Variants in ASAP1 observed in about 807,000 individuals in gnomAD.
ASAP1 encodes the protein arf-GAP with SH3 domain, ANK repeat and PH domain-containing protein 1.
ASAP1 carries 43 observed loss-of-function variants against 145.2 expected under a neutral mutation model. That is an observed-to-expected ratio of 0.30 (90% confidence interval 0.23 to 0.38). ASAP1 has a LOEUF of 0.38. Among genes scored for constraint, ASAP1 ranks in the 10% least tolerant of loss-of-function variants. ASAP1 has a pLI of 1.00. For synonymous variants in ASAP1, 546 were observed against 515.5 expected, an observed-to-expected ratio of 1.06 and a Z score of -0.80; for missense variants, 1,018 against 1,355.3, an observed-to-expected ratio of 0.75 and a Z score of 3.91.
chr8:130,257,405 G>C (rs543711498), intron 3 of ASAP1, among the ~76,000 whole-genome samples: 11 of 152,190 alleles, frequency 7.2e-5, no homozygotes, highest in African/African-American at 2.6e-4. Context: ...ACATAGTTTG[G>C]CTAATGTTTC....
chr8:130,278,640 C>G (rs773538761), intron 3 of ASAP1, among the ~76,000 whole-genome samples: 1 of 152,050 alleles, frequency 6.6e-6, no homozygotes, highest in Non-Finnish European at 1.5e-5. Flanking sequence ...CTGGGACATA[C>G]GATAAAACAG....
At chr8:130,106,896 G>C (rs1299689187) in intron 24 of ASAP1, among the ~76,000 whole-genome samples, 1 of 152,196 alleles carries the variant, frequency 6.6e-6, no homozygotes, top group African/African-American at 2.4e-5. Flanking sequence ...GGAGCCCTGA[G>C]AGTGGGAGGT....
At position 130,180,756 on chromosome 8, in the gene ASAP1, A is replaced by G; in HGVS notation, c.655T>C (p.Cys219Arg). 6.2e-7 allele frequency: 1 copy of G among 1,605,618 alleles called. No homozygotes were observed. Among genetic ancestry groups the G allele is most frequent in the Non-Finnish European group, 8.5e-7 (1 of 1,177,898 alleles). The change falls in exon 8 of 30, where the codon TGT (cysteine) becomes CGT (arginine). Residue 219 changes from cysteine (C) to arginine (R), a missense_variant. Coordinates refer to ENST00000518721, the MANE Select transcript of ASAP1 (RefSeq NM_018482.4). Reference protein sequence around the residue: ...KERRLFQLQMCEYLIKVNEIK... With the variant: ...KERRLFQLQMREYLIKVNEIK... ...GTGGAAAAGTCCATTCTTACTTCAC[A>G]CATTTGGAGCTGAAAGAGGCGCCTT...
intron 3 of ASAP1, among the ~76,000 whole-genome samples, chr8:130,335,004 C>T (rs1300850600): frequency 1.3e-5 from 2 of 152,170 alleles, no homozygotes; most frequent in African/African-American, 4.8e-5. Flanking sequence ...GTTCTTCTTC[C>T]CCAAATTCTC....
chr8:130,100,521 G>T (rs1380297572), intron 24 of ASAP1, among the ~76,000 whole-genome samples: 1 of 152,108 alleles, frequency 6.6e-6, no homozygotes, highest in African/African-American at 2.4e-5. Flanking sequence ...TAGAGATGGG[G>T]TTTCACCATG....
chr8:130,120,050 G>A (rs1027707562), intron 18 of ASAP1, among the ~76,000 whole-genome samples: 1 of 152,220 alleles, frequency 6.6e-6, no homozygotes, highest in South Asian at 2.1e-4. Context: ...AGTAAAAACA[G>A]TTGAGCTGGT....
At chr8:130,343,627 C>A (rs913375885) in intron 3 of ASAP1, among the ~76,000 whole-genome samples, 1 of 152,144 alleles carries the variant, frequency 6.6e-6, no homozygotes, top group Admixed American at 6.5e-5. Flanking sequence ...ATATGCCTGG[C>A]CTTTGAGCCT....
intron 3 of ASAP1, among the ~76,000 whole-genome samples, chr8:130,283,106 G>A (rs1417912411): frequency 6.6e-6 from 1 of 152,200 alleles, no homozygotes; most frequent in African/African-American, 2.4e-5. Context: ...AACCTTCATG[G>A]GATGGATTTG....
chr8:130,115,540 A>G (rs2097554085), intron 23 of ASAP1, 88 bp downstream of exon 23: 5 of 1,025,000 alleles, frequency 4.9e-6, no homozygotes, highest in African/African-American at 3.2e-5. Flanking sequence ...ACCACAATCA[A>G]TCAATCTCAC....
chr8:130,060,462 T>A (rs2097416594), intron 28 of ASAP1, 117 bp downstream of exon 28: 1 of 1,362,774 alleles, frequency 7.3e-7, no homozygotes, highest in Non-Finnish European at 1.0e-6. Flanking sequence ...CCAGAGCACA[T>A]AAGGGTCAGG....
At chr8:130,194,381 C>CAA (rs58904969) in intron 5 of ASAP1, among the ~76,000 whole-genome samples, 16 of 133,364 alleles carry the variant, frequency 1.2e-4, no homozygotes, top group Non-Finnish European at 8.2e-5. Flanking sequence ...CTGGGGGGAG[C>CAA]AAAAAAAAAA....
intron 13 of ASAP1, among the ~76,000 whole-genome samples, chr8:130,149,011 ATTTTTTT>A (rs397892008): frequency 8.1e-6 from 1 of 123,930 alleles, no homozygotes; most frequent in Non-Finnish European, 1.7e-5. Context: ...TAATTTTTGC[ATTTTTTT>A]TTTTTTTTTT....
chr8:130,422,142 GA>G (rs1829744987), intron 1 of ASAP1, among the ~76,000 whole-genome samples: 1 of 152,156 alleles, frequency 6.6e-6, no homozygotes. Flanking sequence ...TCATCATGTA[GA>G]CAAACCTTAC....
In ASAP1 at chr8:130,054,387, C is replaced by T; in HGVS notation, c.*344G>A. ...GTTAGGAACAGAGTCAATTCTATGC[C>T]TTTCAACGGTTGCTGGAGACCACTT... On this transcript the variant is annotated 3_prime_UTR_variant, in exon 30 of 30. Transcript: ENST00000518721. 4.3e-6 allele frequency: 1 copy of T among 229,944 alleles called. No individual in the cohort carries two copies. Among genetic ancestry groups the T allele is most frequent in the South Asian group, 6.7e-5 (1 of 14,974 alleles). The allele number at this position is 229,944 out of a possible 1,614,324, so 14.2% of individuals were successfully genotyped here.
At chr8:130,398,135 A>C (rs11776262) in intron 2 of ASAP1, among the ~76,000 whole-genome samples, 6,810 of 152,328 alleles carry the variant, frequency 0.045, 160 homozygotes, top group Middle Eastern at 0.075. Context: ...GTTTTTATTG[A>C]CATATAAGAT....
rs141966900 is a variant in ASAP1, at chr8:130,432,863, G to C, written c.-28+10597C>G. ...CACCTAACCCAATCACTGCCAAGGG[G>C]AATAGGACCCAGTGATTCACCCACT... On this transcript the variant is annotated intron_variant, in intron 1 of 29. Transcript: ENST00000518721. Among the ~76,000 whole-genome samples the C allele has an allele frequency of 5.3e-3, 809 of 152,286 alleles. 11 individuals are homozygous for C. The highest frequency in any genetic ancestry group is 0.019 in the African/African-American group (785 of 41,538).
chr8:130,285,285 T>C (rs1821536308), intron 3 of ASAP1, among the ~76,000 whole-genome samples: 1 of 151,334 alleles, frequency 6.6e-6, no homozygotes, highest in Non-Finnish European at 1.5e-5. Context: ...CAAATAAAAA[T>C]GGAATACTCA....
chr8:130,105,679 G>A (rs2097535776), intron 24 of ASAP1, among the ~76,000 whole-genome samples: 1 of 152,154 alleles, frequency 6.6e-6, no homozygotes, highest in African/African-American at 2.4e-5. Context: ...ATACAAAGAA[G>A]GACTCAGTGT....
intron 3 of ASAP1, among the ~76,000 whole-genome samples, chr8:130,272,017 T>A (rs1246420242): frequency 6.6e-6 from 1 of 152,110 alleles, no homozygotes; most frequent in Non-Finnish European, 1.5e-5. Context: ...AAAGACTTAC[T>A]GTCACTAAAA....
Sources: allele counts gnomAD v4.1 joint callset (sites outside exome capture counted in the v4.1 genomes callset), GRCh38; gene constraint gnomAD v4.1.1; transcripts MANE v1.5; gene names NCBI Gene and HGNC (gene_info 2026-07-23, HGNC 2026-07-21).